ACYP2: variants seen among roughly 807,000 people sequenced by gnomAD.
ACYP2 encodes acylphosphatase-2.
ACYP2 carries 12 observed loss-of-function variants against 11.2 expected under a neutral mutation model. That is an observed-to-expected ratio of 1.08 (90% CI 0.69 to 1.74). The LOEUF is 1.74. Among genes scored for constraint, ACYP2 ranks in the 40% most tolerant of loss-of-function variants. The probability of loss-of-function intolerance (pLI) is 0.00; values close to 1 mark genes in which losing one functional copy is unlikely to be tolerated. For synonymous variants in ACYP2, 43 were observed against 32.2 expected (o/e 1.33, Z -1.13); for missense variants, 134 against 101.9 (o/e 1.31, Z -1.35).
intron 6 of ACYP2, among the ~76,000 whole-genome samples, chr2:54,186,398 G>A (rs887386988): frequency 6.6e-6 from 1 of 152,112 alleles, no homozygotes; most frequent in East Asian, 1.9e-4. Flanking sequence ...TGTAGATGAA[G>A]CCTTGAAAAT....
intron 6 of ACYP2, among the ~76,000 whole-genome samples, chr2:54,184,997 C>A (rs1033360709): frequency 1.3e-5 from 2 of 152,064 alleles, no homozygotes; most frequent in African/African-American, 2.4e-5. Context: ...AGGTGCCCAC[C>A]ACCACGCCTG....
At chr2:54,195,796 T>TTTTTTTTTG (rs1684446925) in intron 6 of ACYP2, among the ~76,000 whole-genome samples, 1 of 131,622 alleles carries the variant, frequency 7.6e-6, no homozygotes, top group South Asian at 2.6e-4. Flanking sequence ...TGTTGTGGGT[T>TTTTTTTTTG]TTTTTTTTTT....
At chr2:54,270,998 G>A (rs919477476) in intron 6 of ACYP2, among the ~76,000 whole-genome samples, 2 of 152,054 alleles carry the variant, frequency 1.3e-5, no homozygotes, top group African/African-American at 4.8e-5. Context: ...CTTTATAAAT[G>A]TCATGGTTTG....
intron 3 of ACYP2, among the ~76,000 whole-genome samples, chr2:54,053,366 C>T (rs981394332): frequency 6.6e-6 from 1 of 152,204 alleles, no homozygotes; most frequent in African/African-American, 2.4e-5. Context: ...GAGGTGCACT[C>T]GGTTGCTGTG....
At chr2:54,158,194 T>C (rs1682521798) in intron 6 of ACYP2, among the ~76,000 whole-genome samples, 1 of 113,152 alleles carries the variant, frequency 8.8e-6, no homozygotes, top group Non-Finnish European at 1.9e-5. Context: ...CCCAGTTAAC[T>C]TTGTTTTTTT....
chr2:54,050,506 A>C (rs1675788859), intron 2 of ACYP2, among the ~76,000 whole-genome samples: 1 of 149,586 alleles, frequency 6.7e-6, no homozygotes, highest in Non-Finnish European at 1.5e-5. Context: ...CATGATATCT[A>C]GTGCACTCCA....
At chr2:54,115,010 G>A (rs777400501) in intron 4 of ACYP2, among the ~76,000 whole-genome samples, 1 of 152,034 alleles carries the variant, frequency 6.6e-6, no homozygotes, top group African/African-American at 2.4e-5. Context: ...CTGGGATGGA[G>A]TGGGGTGGGG....
intron 6 of ACYP2, among the ~76,000 whole-genome samples, chr2:54,214,068 C>T (rs1236737141): frequency 6.6e-6 from 1 of 152,028 alleles, no homozygotes; most frequent in Non-Finnish European, 1.5e-5. Context: ...CCATCTTTGC[C>T]CATTTTTTTA....
At chr2:54,034,360 A>AC (rs1177910543) in intron 2 of ACYP2, among the ~76,000 whole-genome samples, 3 of 151,986 alleles carry the variant, frequency 2.0e-5, no homozygotes, top group African/African-American at 7.2e-5. Flanking sequence ...TCCAACCTCT[A>AC]CCCCCCAAAA....
chr2:54,159,235 A>G (rs1317024375), intron 6 of ACYP2, among the ~76,000 whole-genome samples: 2 of 151,924 alleles, frequency 1.3e-5, no homozygotes, highest in East Asian at 1.9e-4. Flanking sequence ...TTTAACTCCA[A>G]TAAGGTTCTA....
At chr2:54,158,284 C>T (rs1238176342) in intron 6 of ACYP2, among the ~76,000 whole-genome samples, 1 of 151,642 alleles carries the variant, frequency 6.6e-6, no homozygotes, top group African/African-American at 2.4e-5. Flanking sequence ...TCGGGTGATC[C>T]ACCTGCCTCA....
intron 2 of ACYP2, among the ~76,000 whole-genome samples, chr2:54,032,001 A>G (rs1573562435): frequency 6.6e-6 from 1 of 152,162 alleles, no homozygotes; most frequent in East Asian, 1.9e-4. Flanking sequence ...AATTTCTTTA[A>G]GTTCTTTGTA....
chr2:53,995,228 G>A (rs1672512623), intron 2 of ACYP2, among the ~76,000 whole-genome samples: 1 of 151,802 alleles, frequency 6.6e-6, no homozygotes, highest in African/African-American at 2.4e-5. Context: ...ATATCTGTTT[G>A]AGAAAAAAAA....
In ACYP2 at chr2:54,269,620, G is replaced by A. The variant is rs17045754; in HGVS notation, c.405-35068G>A. Among the ~76,000 whole-genome samples the A allele has an allele frequency of 3.3e-5, 5 of 152,012 alleles. No individual in the cohort carries two copies. The East Asian group carries it at 5.8e-4, about 18-fold the overall frequency. On this transcript the variant is annotated intron_variant, in intron 6 of 6. Transcript: ENST00000607452. ...AAAAGTTCTGGCATGGTGAAAGATC[G>A]TAACTCTAGGAAGCTGAATAACTTA...
At chr2:54,008,068 T>C (rs1274355633) in intron 2 of ACYP2, among the ~76,000 whole-genome samples, 2 of 152,186 alleles carry the variant, frequency 1.3e-5, no homozygotes, top group Non-Finnish European at 2.9e-5. Flanking sequence ...CTTACTGTCG[T>C]AATTTTGCAA....
intron 6 of ACYP2, among the ~76,000 whole-genome samples, chr2:54,282,086 A>G (rs1334491529): frequency 1.3e-5 from 2 of 152,224 alleles, no homozygotes; most frequent in Non-Finnish European, 2.9e-5. Flanking sequence ...AGAAGACACC[A>G]GTTCTCTTGG....
chr2:54,202,059 G>A (rs1158479901), intron 6 of ACYP2, among the ~76,000 whole-genome samples: 7 of 151,176 alleles, frequency 4.6e-5, no homozygotes, highest in Non-Finnish European at 5.9e-5. Context: ...TTAGGTATTC[G>A]ATTCATCTTG....
chr2:53,975,786 C>T (rs961070865), intron 2 of ACYP2, among the ~76,000 whole-genome samples: 4 of 152,016 alleles, frequency 2.6e-5, no homozygotes, highest in African/African-American at 9.7e-5. Flanking sequence ...GAGCCAAGAT[C>T]GCGCCACTGC....
intron 6 of ACYP2, among the ~76,000 whole-genome samples, chr2:54,175,234 C>T (rs1279187416): frequency 6.6e-6 from 1 of 152,088 alleles, no homozygotes; most frequent in African/African-American, 2.4e-5. Flanking sequence ...TTCAGAGATT[C>T]AACATCTTCC....
Sources: allele counts gnomAD v4.1 joint callset (sites outside exome capture counted in the v4.1 genomes callset), GRCh38; gene constraint gnomAD v4.1.1; transcripts MANE v1.5; gene names NCBI Gene and HGNC (gene_info 2026-07-23, HGNC 2026-07-21).